The following OTOF variants were observed in gnomAD, a reference collection of about 807,000 sequenced individuals.
OTOF encodes otoferlin.
Under a neutral mutation model 236.8 loss-of-function variants are expected in OTOF, and 218 were observed. The ratio of observed to expected loss-of-function variants is 0.92; its 90% CI spans 0.82 to 1.03. OTOF has a LOEUF of 1.03. Among genes scored for constraint, OTOF ranks in the 50% least tolerant of loss-of-function variants. The pLI is 0.00. For synonymous variants in OTOF, 1,041 were observed against 1,072.5 expected (o/e 0.97, Z 0.57); for missense variants, 2,590 against 2,694.4 (o/e 0.96, Z 0.86).
chr2:26,480,740 G>T lies in OTOF; in HGVS notation c.1803+46C>A, dbSNP rs1401188200. 6 of 1,506,426 alleles carry T rather than the reference G, an allele frequency of 4.0e-6. No homozygotes were observed. The South Asian group carries it at 5.6e-5, about 14-fold the overall frequency. 93.3% of individuals were successfully genotyped at this position (1,506,426 alleles called of 1,614,324 possible). A position where few individuals can be genotyped will look rare whatever the true frequency, so the allele number is the denominator to read the frequency against. ...ACCCAGGTGACTCAGGGAGAAGGGG[G>T]CTGAGCTGGAGGCCCTGGGGGACAG... is the stretch of plus-strand genomic sequence containing the variant. On this transcript the variant is annotated intron_variant, in intron 15 of 46. Coordinates refer to ENST00000272371, the MANE Select transcript of OTOF (RefSeq NM_194248.3).
chr2:26,526,769 A>C (rs1666816265), intron 3 of OTOF, among the ~76,000 whole-genome samples: 1 of 152,142 alleles, frequency 6.6e-6, no homozygotes, highest in African/African-American at 2.4e-5. Context: ...CCCACTGTTG[A>C]GTCATTCTGA....
chr2:26,546,833 T>G (rs1220981712), intron 1 of OTOF, among the ~76,000 whole-genome samples: 2 of 152,140 alleles, frequency 1.3e-5, no homozygotes, highest in African/African-American at 4.8e-5. Context: ...TAAAATTTAT[T>G]TTCTTGTGTA....
In OTOF at chr2:26,457,646, CCTG is replaced by C; in HGVS notation, c.*589_*591del. On this transcript the variant is annotated 3_prime_UTR_variant, in exon 47 of 47. Coordinates refer to ENST00000272371, the MANE Select transcript of OTOF (RefSeq NM_194248.3). The surrounding 1 kb of genome is among the most constrained non-coding windows in gnomAD (Gnocchi z 4.4). ...TTTGCTCGTTCATTCTTTTTAAAGC[CCTG>C]GGCACTGACCCATGGTCCTTGGTTA... is the stretch of plus-strand genomic sequence containing the variant. The C allele has an allele frequency of 4.9e-6, 1 of 205,120 alleles. No individual in the cohort carries two copies. Among genetic ancestry groups the C allele is most frequent in the Middle Eastern group, 2.0e-3 (1 of 500 alleles). The allele number at this position is 205,120 out of a possible 1,614,324, so 12.7% of individuals were successfully genotyped here.
At position 26,477,742 on chromosome 2, in the gene OTOF, C is replaced by A. The variant is rs1018986721; in HGVS notation, c.2222G>T (p.Gly741Val). 59 of 1,612,586 alleles carry A rather than the reference C, an allele frequency of 3.7e-5. No individual in the cohort carries two copies. The highest frequency in any genetic ancestry group is 4.7e-5 in the Non-Finnish European group (56 of 1,179,936). The part of the protein sequence containing the change: ...MDHIADKLEE[G>V]LNDIQEMIKT... ...GATCATCTCCTGTATGTCGTTCAGG[C>A]CTTCTTCCTGTGAATCAGGAGTGTG... The change falls in exon 19 of 47, where the codon GGC (glycine) becomes GTC (valine). Residue 741 changes from glycine to valine, a missense_variant. This residue lies in a region of OTOF where 1,379 missense variants were observed against 1,341.6 expected (regional missense o/e 1.03). Transcript: ENST00000272371. The surrounding 1 kb of genome is among the most constrained non-coding windows in gnomAD (Gnocchi z 4.7).
At chr2:26,531,140 ATC>A (rs1186731701) in intron 2 of OTOF, among the ~76,000 whole-genome samples, 1 of 152,020 alleles carries the variant, frequency 6.6e-6, no homozygotes, top group Non-Finnish European at 1.5e-5. Flanking sequence ...TTCCAGCCCC[ATC>A]TCCCATTGCT....
In OTOF at chr2:26,477,463, G is replaced by A. The variant is rs574277214; in HGVS notation, c.2359C>T (p.Arg787Cys). 3.1e-5 allele frequency: 49 copies of A among 1,603,362 alleles called. 1 individual carries two copies. Among genetic ancestry groups the A allele is most frequent in the African/African-American group, 2.4e-4 (18 of 74,894 alleles). ...AGGCGCTCCCGGTCAAGCCTGGTGC[G>A]GGATGAGTGGCCCTGGTCCTTGTCA... The part of the protein sequence containing the change: ...LADKDQGHSS[R>C]TRLDRERLKS... Residue 787 changes from arginine (R) to cysteine (C), a missense_variant, in exon 20 of 47, where the codon CGC becomes TGC. Physicochemically the swap from Arg to Cys is radical, Grantham distance 180 (BLOSUM62 -3). Transcript: ENST00000272371. The surrounding 1 kb of genome is among the most constrained non-coding windows in gnomAD (Gnocchi z 4.7).
intron 3 of OTOF, among the ~76,000 whole-genome samples, chr2:26,525,126 C>T (rs975128340): frequency 6.6e-6 from 1 of 152,222 alleles, no homozygotes; most frequent in Non-Finnish European, 1.5e-5. Flanking sequence ...ACCAACCTTG[C>T]TTGTGGGTGC....
chr2:26,506,473 C>T lies in OTOF; in HGVS notation c.510-2628G>A, dbSNP rs574912336. Among the ~76,000 whole-genome samples the T allele has an allele frequency of 2.0e-5, 3 of 152,300 alleles. No individual in the cohort carries two copies. The East Asian group carries it at 5.8e-4, about 30-fold the overall frequency. ...ATGGTAGGTTAGAAGCAGGCCCTGC[C>T]TGGAGAAGCCGGCTGCCCGGCCTGC... On this transcript the variant is annotated intron_variant, in intron 5 of 46. Transcript: ENST00000272371.
intron 8 of OTOF, among the ~76,000 whole-genome samples, chr2:26,495,485 C>A (rs762430884): frequency 2.6e-5 from 4 of 151,938 alleles, no homozygotes; most frequent in Non-Finnish European, 4.4e-5. Context: ...AGTGCAGTGG[C>A]ATGATCTCGG....
chr2:26,463,668 C>T, intron 40 of OTOF, 97 bp from the exon 41 acceptor site: 1 of 1,052,508 alleles, frequency 9.5e-7, no homozygotes, highest in Non-Finnish European at 1.4e-6. Context: ...CTGTCAAGGA[C>T]CCAGTTCATC....
Position 26,537,994 on chromosome 2 carries a change from T to C in OTOF, c.80-220A>G, listed in dbSNP as rs562890563. On this transcript the variant is annotated intron_variant, in intron 1 of 46. Transcript: ENST00000272371. ...CGTGAGGGAAGCGGGTCAAAGGCCA[T>C]GAGTTCCATGTTAGGAACGGGAATG... Among the ~76,000 whole-genome samples, 84 of 152,202 alleles carry C rather than the reference T, an allele frequency of 5.5e-4. 1 individual carries two copies. In the South Asian group the frequency reaches 0.017, roughly 31 times the overall value.
In OTOF at chr2:26,489,320, C is replaced by T. The variant is rs144587424; in HGVS notation, c.961-25G>A. On this transcript the variant is annotated intron_variant, in intron 10 of 46. Transcript: ENST00000272371. ...CCTTTCAGGCAGAACCACAGCCCAC[C>T]CGTCAGGCCCAGCAAGGGTGAGGCT... 263 of 1,579,762 alleles carry T rather than the reference C, an allele frequency of 1.7e-4. No homozygotes were observed. The Admixed American group carries it at 4.4e-3, about 27-fold the overall frequency.
At chr2:26,498,658 G>A (rs1666046522) in intron 8 of OTOF, among the ~76,000 whole-genome samples, 2 of 152,122 alleles carry the variant, frequency 1.3e-5, no homozygotes, top group South Asian at 4.2e-4. Flanking sequence ...CTCCCCAGTG[G>A]CTTCATGAAA....
At position 26,458,709 on chromosome 2, in the gene OTOF, G is replaced by A. The variant is rs373734850; in HGVS notation, c.*18-489C>T. On this transcript the variant is annotated intron_variant, in intron 46 of 46. Transcript: ENST00000272371. Reference sequence around the variant, plus strand: ...ATGAAGACCCACTCCACCTTCTGTAGAGCCTCCCAGCCGAGAAGCACCTGG... The same window carrying A: ...ATGAAGACCCACTCCACCTTCTGTAAAGCCTCCCAGCCGAGAAGCACCTGG... 3.7e-4 allele frequency among the ~76,000 whole-genome samples: 57 copies of A among 152,288 alleles called. 1 individual carries two copies. Among genetic ancestry groups the A allele is most frequent in the African/African-American group, 1.3e-3 (55 of 41,568 alleles).
At chr2:26,536,039 T>C (rs1204951932) in intron 2 of OTOF, among the ~76,000 whole-genome samples, 1 of 152,108 alleles carries the variant, frequency 6.6e-6, no homozygotes, top group Non-Finnish European at 1.5e-5. Flanking sequence ...GGTGGATTAG[T>C]GGGCAGAAGC....
In OTOF at chr2:26,545,963, G is replaced by A. The variant is rs1277295851; in HGVS notation, c.80-8189C>T. The stretch of plus-strand genomic sequence containing the variant: ...TGACCCTTGAACAACACAGGGATTA[G>A]AGGTACCAGCCCCTCATATAGTTGA... On this transcript the variant is annotated intron_variant, in intron 1 of 46. Coordinates refer to ENST00000272371, the MANE Select transcript of OTOF (RefSeq NM_194248.3). Among the ~76,000 whole-genome samples, 5 of 152,154 alleles carry A rather than the reference G, an allele frequency of 3.3e-5. No individual in the cohort carries two copies. In the East Asian group the frequency reaches 9.6e-4, roughly 29 times the overall value.
At chr2:26,483,200 G>GTATGC (rs1211007365) in intron 13 of OTOF, among the ~76,000 whole-genome samples, 41 of 151,828 alleles carry the variant, frequency 2.7e-4, no homozygotes, top group Admixed American at 2.0e-3. Flanking sequence ...TGTATGAGTG[G>GTATGC]GTGCATGTGT....
chr2:26,481,329 C>T (rs549147021), intron 14 of OTOF, among the ~76,000 whole-genome samples: 87 of 152,220 alleles, frequency 5.7e-4, no homozygotes, highest in Non-Finnish European at 9.7e-4. Flanking sequence ...CGCAGCATGA[C>T]CTTGGGCCCT....
intron 1 of OTOF, among the ~76,000 whole-genome samples, chr2:26,553,827 C>T (rs1667521339): frequency 6.6e-6 from 1 of 152,188 alleles, no homozygotes. Context: ...CTGGCTTACA[C>T]ACGCAATCCC....
Sources: gnomAD v4.1 joint callset for allele counts (sites outside exome capture counted in the v4.1 genomes callset) on GRCh38, gnomAD v4.1.1 for gene constraint, gnomAD v4.1.1 regional missense constraint, Gnocchi (gnomAD v3.1) non-coding constraint, MANE v1.5 for transcripts, NCBI Gene and HGNC (gene_info 2026-07-23, HGNC 2026-07-21) for gene names.